Variants in FAAP20 observed in about 807,000 individuals in gnomAD.
FAAP20 encodes FA core complex associated protein 20.
In FAAP20, 12 loss-of-function variants were observed where a neutral mutation model predicts 16.2. That is an observed-to-expected ratio of 0.74 (90% CI 0.48 to 1.20). FAAP20 has a LOEUF of 1.20. FAAP20 is among the 50% of genes most tolerant of loss of function. FAAP20 has a pLI of 0.00. For missense variants in FAAP20, 288 were observed against 245.8 expected (o/e 1.17, Z -1.15); for synonymous variants, 141 against 110.7 (o/e 1.27, Z -1.72).
chr1:2,209,713 C>T (rs529578803), downstream of FAAP20, among the ~76,000 whole-genome samples: 2 of 152,322 alleles, frequency 1.3e-5, no homozygotes, highest in East Asian at 1.9e-4. Flanking sequence ...TGGTGGCGTT[C>T]GGCCACCCCA....
downstream of FAAP20, chr1:2,185,409 C>CT (rs751814259): frequency 2.8e-6 from 2 of 718,806 alleles, no homozygotes; most frequent in South Asian, 1.5e-5. Context: ...CCTCTGATGC[C>CT]TTTTTTCCGT....
At chr1:2,204,338 G>T (rs529553617), upstream of FAAP20, among the ~76,000 whole-genome samples, 2 of 152,402 alleles carry the variant, frequency 1.3e-5, no homozygotes, top group African/African-American at 4.8e-5. Context: ...GAGGCTGCCT[G>T]TGAATCTCCT....
upstream of FAAP20, among the ~76,000 whole-genome samples, chr1:2,197,407 G>A (rs866102366): frequency 1.3e-5 from 2 of 152,218 alleles, no homozygotes; most frequent in East Asian, 1.9e-4. Context: ...TGCGCTGCCC[G>A]GCTGGCGCAG....
upstream of FAAP20, among the ~76,000 whole-genome samples, chr1:2,196,506 G>A (rs142047093): frequency 5.0e-3 from 758 of 150,852 alleles, 10 homozygotes; most frequent in African/African-American, 0.018. The surrounding 1 kb of genome is among the most constrained non-coding windows in gnomAD (Gnocchi z 4.5). Context: ...CTGCAGTGAG[G>A]CAAGATCGTG....
Position 2,193,913 on chromosome 1 carries a change from G to T in FAAP20, c.199-3C>A, listed in dbSNP as rs767456706. ...GGCTCCGGGCCGCACCTGGGCTCCTGCAACACAGAGTTGTTGGGCCTTGCC... is the reference window on the plus strand; with the variant it reads ...GGCTCCGGGCCGCACCTGGGCTCCTTCAACACAGAGTTGTTGGGCCTTGCC... On this transcript the variant is annotated splice_region_variant and splice_polypyrimidine_tract_variant and intron_variant, in intron 2 of 3. Coordinates refer to ENST00000378546, the MANE Select transcript of FAAP20 (RefSeq NM_182533.4). The T allele has an allele frequency of 1.0e-4, 168 of 1,611,914 alleles. No homozygotes were observed. Among genetic ancestry groups the T allele is most frequent in the Non-Finnish European group, 1.4e-4 (163 of 1,179,692 alleles).
At chr1:2,203,764 G>C, upstream of FAAP20, 1 of 491,296 alleles carries the variant, frequency 2.0e-6, no homozygotes, top group South Asian at 8.7e-5. Context: ...CTTGCCTCCA[G>C]GGACCAGCCT....
chr1:2,201,287 G>A (rs2100735940), upstream of FAAP20: 3 of 1,129,460 alleles, frequency 2.7e-6, no homozygotes, highest in Non-Finnish European at 3.3e-6. Context: ...GAGGGTCAGG[G>A]ACACGCACGG....
chr1:2,192,699 C>T (rs972274564), intron 3 of FAAP20: 22 of 1,184,852 alleles, frequency 1.9e-5, no homozygotes, highest in Non-Finnish European at 2.3e-5. Context: ...CTACAGCCTC[C>T]AATTCCTGGC....
intron 2 of FAAP20, 29 bp downstream of exon 2, chr1:2,193,969 C>A: frequency 6.2e-7 from 1 of 1,612,138 alleles, no homozygotes; most frequent in Non-Finnish European, 8.5e-7. Flanking sequence ...GAAACCCCTT[C>A]ATCGCTAAGA....
upstream of FAAP20, chr1:2,200,606 T>G (rs755734803): frequency 6.6e-5 from 65 of 979,992 alleles, no homozygotes; most frequent in Non-Finnish European, 4.4e-5. Context: ...AGAATATACA[T>G]GTCACTCGTT....
At chr1:2,200,756 T>C (rs1052381017), upstream of FAAP20, 8 of 993,870 alleles carry the variant, frequency 8.0e-6, no homozygotes, top group African/African-American at 1.4e-4. Context: ...CTCGGTCTCC[T>C]GTCCACCACA....
chr1:2,203,136 C>T (rs555822090), upstream of FAAP20, among the ~76,000 whole-genome samples: 2 of 152,334 alleles, frequency 1.3e-5, no homozygotes, highest in Non-Finnish European at 2.9e-5. Flanking sequence ...GAGGGCAGCC[C>T]AGGGTCCCGA....
rs773805992 is a variant in FAAP20 at position 2,193,728 on chromosome 1, G to A, written c.381C>T (p.Cys127=). ...SLPQRPAPDP[C]RAPRVEQQPS... is the part of the protein sequence containing the mutation. ...GCTGCTGCTCCACCCTGGGGGCCCT[G>A]CAGGGATCAGGTGCCGGGCGCTGGG... Residue 127 remains cysteine, a synonymous_variant, in exon 3 of 4, where the codon TGC becomes TGT. Coordinates refer to ENST00000378546, the MANE Select transcript of FAAP20 (RefSeq NM_182533.4). 5.0e-6 allele frequency: 8 copies of A among 1,592,306 alleles called. No individual in the cohort carries two copies. In the East Asian group the frequency reaches 1.8e-4, roughly 36 times the overall value.
At chr1:2,201,433 C>A (rs530022787), upstream of FAAP20, among the ~76,000 whole-genome samples, 2 of 152,284 alleles carry the variant, frequency 1.3e-5, no homozygotes, top group African/African-American at 4.8e-5. Context: ...GAGAAAGGGA[C>A]CTGAGGCTGG....
downstream of FAAP20, among the ~76,000 whole-genome samples, chr1:2,185,841 C>T (rs1687513275): frequency 6.6e-6 from 1 of 152,254 alleles, no homozygotes; most frequent in South Asian, 2.1e-4. Flanking sequence ...TTATCTGTCA[C>T]ACAGCACTGA....
At chr1:2,189,443 G>T, downstream of FAAP20, 1 of 534,038 alleles carries the variant, frequency 1.9e-6, no homozygotes, top group Non-Finnish European at 3.4e-6. Flanking sequence ...CAGTGGGGGC[G>T]CCAGGGGAAA....
downstream of FAAP20, among the ~76,000 whole-genome samples, chr1:2,209,588 C>T (rs973801071): frequency 6.6e-6 from 1 of 152,226 alleles, no homozygotes; most frequent in African/African-American, 2.4e-5. Context: ...ATCTGGCTGA[C>T]CAGAGCTCAG....
chr1:2,209,735 A>G (rs1413260330), downstream of FAAP20, among the ~76,000 whole-genome samples: 2 of 152,174 alleles, frequency 1.3e-5, no homozygotes, highest in East Asian at 3.9e-4. Context: ...TTTGTGCAGG[A>G]CTATGGGCCA....
chr1:2,186,119 C>T (rs3123595), downstream of FAAP20: 51,763 of 451,876 alleles, frequency 0.11, 3,824 homozygotes, highest in African/African-American at 0.27. Context: ...GAGGGGGTCG[C>T]GCCACCTCAT....
Sources: gnomAD v4.1 joint callset for allele counts (sites outside exome capture counted in the v4.1 genomes callset) on GRCh38, gnomAD v4.1.1 for gene constraint, Gnocchi (gnomAD v3.1) non-coding constraint, MANE v1.5 for transcripts, NCBI Gene and HGNC (gene_info 2026-07-23, HGNC 2026-07-21) for gene names.